ARHGEF3: variants seen among roughly 807,000 people sequenced by gnomAD.
ARHGEF3 encodes the protein 59.8 kDA protein.
In ARHGEF3, 28 loss-of-function variants were observed where a neutral mutation model predicts 63.2. That is an observed-to-expected ratio of 0.44 (90% confidence interval 0.33 to 0.61). The LOEUF (loss-of-function observed/expected upper bound fraction) is 0.61, where lower values mean the gene tolerates loss of function less well. Ranked by LOEUF, ARHGEF3 falls within the 20% of genes least tolerant of loss-of-function variation. The probability of loss-of-function intolerance (pLI) is 0.03; values close to 1 mark genes in which losing one functional copy is unlikely to be tolerated. For missense variants in ARHGEF3, 533 were observed against 659.3 expected, an observed-to-expected ratio of 0.81 and a Z score of 2.10; for synonymous variants, 266 against 254.2, an observed-to-expected ratio of 1.05 and a Z score of -0.44.
chr3:56,805,427 G>A (rs2037829612), upstream of ARHGEF3, among the ~76,000 whole-genome samples: 1 of 152,156 alleles, frequency 6.6e-6, no homozygotes, highest in East Asian at 1.9e-4. Context: ...TAGAGATGAG[G>A]TTTCACCATG....
intron 3 of ARHGEF3, among the ~76,000 whole-genome samples, chr3:56,934,824 C>T (rs867804838): frequency 2.0e-5 from 3 of 152,356 alleles, no homozygotes; most frequent in African/African-American, 7.2e-5. Context: ...CCAGTCCCAT[C>T]GACCACCCAA....
rs145773517 is a variant in ARHGEF3, at chr3:56,943,718, T to C, written c.129+15105A>G. Among the ~76,000 whole-genome samples the C allele has an allele frequency of 2.0e-3, 307 of 152,182 alleles. 1 individual carries two copies. Among genetic ancestry groups the C allele is most frequent in the African/African-American group, 6.9e-3 (285 of 41,524 alleles). ...TCACTTGAGGTCAGGAGTTCAAGAC[T>C]AGCCTGACCAACACGATAAAACCCC... On this transcript the variant is annotated intron_variant, in intron 3 of 12. Transcript: ENST00000338458.
At chr3:57,048,596 T>C (rs1460454689) in intron 1 of ARHGEF3, among the ~76,000 whole-genome samples, 1 of 152,106 alleles carries the variant, frequency 6.6e-6, no homozygotes, top group Admixed American at 6.6e-5. Context: ...GAGCTCTGTG[T>C]GCTCTCGGGG....
At chr3:56,782,566 G>C (rs1157590330) in intron 1 of ARHGEF3, among the ~76,000 whole-genome samples, 1 of 151,168 alleles carries the variant, frequency 6.6e-6, no homozygotes, top group Non-Finnish European at 1.5e-5. Flanking sequence ...AGGGGGATTT[G>C]ATTTCCTTTT....
chr3:56,810,733 C>T (rs1559960349), intron 4 of ARHGEF3, among the ~76,000 whole-genome samples: 1 of 152,028 alleles, frequency 6.6e-6, no homozygotes, highest in Non-Finnish European at 1.5e-5. Context: ...AGGGACACTC[C>T]CAGAGACCAC....
At chr3:56,735,767 G>C (rs2033576635) in intron 8 of ARHGEF3, among the ~76,000 whole-genome samples, 1 of 152,146 alleles carries the variant, frequency 6.6e-6, no homozygotes, top group African/African-American at 2.4e-5. Context: ...ACGTCTTCAA[G>C]CAACAGACTT....
intron 2 of ARHGEF3, among the ~76,000 whole-genome samples, chr3:56,982,531 T>C (rs1701364786): frequency 6.6e-6 from 1 of 152,128 alleles, no homozygotes; most frequent in Admixed American, 6.5e-5. Flanking sequence ...CTCTTGCCTG[T>C]TTTCAATGGT....
chr3:56,762,693 T>G (rs965319122), intron 2 of ARHGEF3, among the ~76,000 whole-genome samples: 32 of 152,194 alleles, frequency 2.1e-4, no homozygotes, highest in Admixed American at 7.2e-4. Flanking sequence ...ACACTTACCA[T>G]GCTAACCATA....
At chr3:56,944,609 C>G (rs1327309026) in intron 3 of ARHGEF3, among the ~76,000 whole-genome samples, 1 of 56,608 alleles carries the variant, frequency 1.8e-5, no homozygotes, top group Non-Finnish European at 3.6e-5. Flanking sequence ...CAAAGTCTTA[C>G]TTTTTTGCTC....
intron 3 of ARHGEF3, among the ~76,000 whole-genome samples, chr3:56,920,872 G>A (rs571749550): frequency 1.3e-5 from 2 of 152,118 alleles, no homozygotes; most frequent in South Asian, 2.1e-4. Flanking sequence ...CTAACGTGGT[G>A]AAACCCTGTC....
chr3:57,015,572 T>G (rs780389197), intron 2 of ARHGEF3, among the ~76,000 whole-genome samples: 2 of 151,300 alleles, frequency 1.3e-5, no homozygotes, highest in African/African-American at 4.9e-5. Context: ...TAGGTAGGAC[T>G]GCAGGCGGAC....
chr3:56,972,331 T>C (rs1225323720), intron 2 of ARHGEF3, among the ~76,000 whole-genome samples: 1 of 152,122 alleles, frequency 6.6e-6, no homozygotes, highest in African/African-American at 2.4e-5. Flanking sequence ...AGTAAATAAA[T>C]AATTCCTATA....
intron 7 of ARHGEF3, among the ~76,000 whole-genome samples, chr3:56,742,582 T>C (rs1214256503): frequency 1.3e-5 from 2 of 152,202 alleles, no homozygotes; most frequent in African/African-American, 2.4e-5. Flanking sequence ...GTTTTATGTT[T>C]ATCAAACATT....
intron 4 of ARHGEF3, among the ~76,000 whole-genome samples, chr3:56,861,025 AAGGAG>A (rs2040055167): frequency 6.6e-6 from 1 of 152,196 alleles, no homozygotes; most frequent in Non-Finnish European, 1.5e-5. Context: ...GCTGCAGGGA[AAGGAG>A]AGGAGATTCA....
At chr3:56,811,699 T>G (rs2047626) in intron 4 of ARHGEF3, among the ~76,000 whole-genome samples, 11,120 of 152,258 alleles carry the variant, frequency 0.073, 812 homozygotes, top group East Asian at 0.24. Flanking sequence ...AGTTCGCATG[T>G]GCCCACAATT....
intron 2 of ARHGEF3, among the ~76,000 whole-genome samples, chr3:56,978,654 G>GTCAATA (rs1701212487): frequency 6.6e-6 from 1 of 152,212 alleles, no homozygotes; most frequent in African/African-American, 2.4e-5. Flanking sequence ...AACTATAAAT[G>GTCAATA]TATATATTGA....
intron 1 of ARHGEF3, among the ~76,000 whole-genome samples, chr3:57,041,461 T>C (rs1040582048): frequency 5.1e-4 from 77 of 152,330 alleles, no homozygotes; most frequent in African/African-American, 1.8e-3. Context: ...GACCCCACTC[T>C]GCTTCCATAA....
chr3:56,825,644 G>A (rs1244844421), intron 4 of ARHGEF3, among the ~76,000 whole-genome samples: 3 of 152,118 alleles, frequency 2.0e-5, no homozygotes, highest in South Asian at 2.1e-4. Flanking sequence ...ACAGCAACTC[G>A]GTGAGGCTTC....
chr3:56,968,233 TAA>T (rs1287283465), intron 2 of ARHGEF3, among the ~76,000 whole-genome samples: 2 of 37,154 alleles, frequency 5.4e-5, no homozygotes, highest in African/African-American at 8.9e-5. Context: ...AATATATATA[TAA>T]ATATATATAT....
Sources: allele counts gnomAD v4.1 joint callset (sites outside exome capture counted in the v4.1 genomes callset), GRCh38; gene constraint gnomAD v4.1.1; transcripts MANE v1.5; gene names NCBI Gene and HGNC (gene_info 2026-07-23, HGNC 2026-07-21).